The following CYP4X1 variants were observed in gnomAD, a reference collection of about 807,000 sequenced individuals.
CYP4X1 encodes the protein cytochrome P450 4X1.
A neutral mutation model predicts 57.9 loss-of-function variants in CYP4X1; 44 were observed. The observed-to-expected ratio is 0.76, with a 90% CI of 0.60 to 0.98. The LOEUF (loss-of-function observed/expected upper bound fraction) is 0.98, where lower values mean the gene tolerates loss of function less well. Ranked by LOEUF, CYP4X1 falls within the 50% of genes least tolerant of loss-of-function variation. The pLI is 0.00. For synonymous variants in CYP4X1, 227 were observed against 228.6 expected (o/e 0.99, Z 0.06); for missense variants, 532 against 623.9 (o/e 0.85, Z 1.57).
chr1:47,001,013 G>A, the CYP4X1 span: 1 of 224,338 alleles, frequency 4.5e-6, no homozygotes, highest in Non-Finnish European at 1.0e-5. Flanking sequence ...TCAGAAAACA[G>A]CTTAAAGTTG....
the CYP4X1 span, among the ~76,000 whole-genome samples, chr1:46,971,114 T>A: frequency 6.6e-6 from 1 of 152,172 alleles, no homozygotes; most frequent in African/African-American, 2.4e-5. Context: ...ATGGTATCCA[T>A]TCCCTTCTTT....
chr1:46,965,904 G>A, the CYP4X1 span, among the ~76,000 whole-genome samples: 1 of 152,212 alleles, frequency 6.6e-6, no homozygotes, highest in Non-Finnish European at 1.5e-5. Flanking sequence ...CCTGGCTGGA[G>A]TGATGGAAGC....
the CYP4X1 span, among the ~76,000 whole-genome samples, chr1:46,998,963 G>T: frequency 6.6e-6 from 1 of 150,758 alleles, no homozygotes; most frequent in Non-Finnish European, 1.5e-5. Context: ...ATGTTGATTT[G>T]GTTACTATAG....
the CYP4X1 span, among the ~76,000 whole-genome samples, chr1:46,997,724 C>T: frequency 0.034 from 5,189 of 152,172 alleles, 163 homozygotes; most frequent in African/African-American, 0.09. Flanking sequence ...TACCTAGCAG[C>T]GGGATTGTTG....
chr1:47,001,197 A>G, the CYP4X1 span: 1 of 164,242 alleles, frequency 6.1e-6, no homozygotes, highest in Non-Finnish European at 1.4e-5. Flanking sequence ...ACCTTCATTT[A>G]TCCAAGCCTT....
chr1:47,024,170 T>A (rs111783250), intron 1 of CYP4X1, among the ~76,000 whole-genome samples, 176 bp downstream of exon 1: 1 of 152,254 alleles, frequency 6.6e-6, no homozygotes, highest in East Asian at 1.9e-4. Context: ...CTCTGGAGAA[T>A]TGCTTTCCCG....
the CYP4X1 span, among the ~76,000 whole-genome samples, chr1:47,015,637 G>C: frequency 6.6e-6 from 1 of 152,048 alleles, no homozygotes; most frequent in Non-Finnish European, 1.5e-5. Flanking sequence ...AAAATATCTA[G>C]GACTACTCAG....
At chr1:47,028,587 G>T (rs1367677817) in intron 1 of CYP4X1, among the ~76,000 whole-genome samples, 1 of 152,166 alleles carries the variant, frequency 6.6e-6, no homozygotes, top group East Asian at 1.9e-4. Context: ...TGGGGATGAA[G>T]AAATATAAAT....
the CYP4X1 span, among the ~76,000 whole-genome samples, chr1:46,991,381 G>A: frequency 3.3e-5 from 5 of 152,158 alleles, no homozygotes; most frequent in East Asian, 1.9e-4. Flanking sequence ...AGCCCCAGAC[G>A]GCTGAATATT....
the CYP4X1 span, among the ~76,000 whole-genome samples, chr1:47,009,026 A>G: frequency 6.6e-6 from 1 of 152,214 alleles, no homozygotes; most frequent in East Asian, 1.9e-4. Flanking sequence ...GAAAGTTAAC[A>G]AGGATATCCA....
chr1:47,028,535 A>G (rs1434361222), intron 1 of CYP4X1, among the ~76,000 whole-genome samples: 1 of 152,198 alleles, frequency 6.6e-6, no homozygotes, highest in Non-Finnish European at 1.5e-5. Context: ...TGTTTACTAA[A>G]TATATGTAGT....
At chr1:47,020,217 T>C (rs1643981385), upstream of CYP4X1, among the ~76,000 whole-genome samples, 1 of 152,176 alleles carries the variant, frequency 6.6e-6, no homozygotes, top group African/African-American at 2.4e-5. Context: ...CCTTTCCTAC[T>C]TCGTCCACAT....
the CYP4X1 span, among the ~76,000 whole-genome samples, chr1:46,981,954 G>A: frequency 7.2e-4 from 109 of 152,220 alleles, no homozygotes; most frequent in Non-Finnish European, 1.2e-3. Context: ...GACACAGGGT[G>A]GGGAACATCA....
At chr1:46,963,829 T>C in the CYP4X1 span, among the ~76,000 whole-genome samples, 3 of 152,260 alleles carry the variant, frequency 2.0e-5, no homozygotes, top group Non-Finnish European at 4.4e-5. Context: ...GATAATATCC[T>C]GAAGAGTGTT....
upstream of CYP4X1, among the ~76,000 whole-genome samples, chr1:47,021,887 T>A (rs1286443427): frequency 3.9e-5 from 6 of 152,072 alleles, no homozygotes; most frequent in Admixed American, 1.3e-4. Context: ...ATACTATTCC[T>A]CGGTCTCATG....
chr1:46,975,279 G>A, the CYP4X1 span, among the ~76,000 whole-genome samples: 10 of 152,158 alleles, frequency 6.6e-5, no homozygotes, highest in Non-Finnish European at 1.2e-4. Context: ...ATGTATTGAA[G>A]TGTGTTTCTG....
At chr1:47,045,261 A>G (rs1644289157) in intron 8 of CYP4X1, among the ~76,000 whole-genome samples, 1 of 152,200 alleles carries the variant, frequency 6.6e-6, no homozygotes, top group Non-Finnish European at 1.5e-5. Flanking sequence ...TAAACAGACT[A>G]AATATATGCA....
At chr1:46,993,088 C>A in the CYP4X1 span, among the ~76,000 whole-genome samples, 3 of 121,036 alleles carry the variant, frequency 2.5e-5, no homozygotes, top group African/African-American at 6.2e-5. Context: ...CCCCCTCCCC[C>A]CACCCCACAA....
the CYP4X1 span, among the ~76,000 whole-genome samples, chr1:47,018,477 T>G: frequency 0.042 from 6,456 of 152,208 alleles, 172 homozygotes; most frequent in Non-Finnish European, 0.059. Flanking sequence ...GCTTGTATAT[T>G]TAGTCATCAT....
Sources: gnomAD v4.1 joint callset for allele counts (sites outside exome capture counted in the v4.1 genomes callset) on GRCh38, gnomAD v4.1.1 for gene constraint, MANE v1.5 for transcripts, NCBI Gene and HGNC (gene_info 2026-07-23, HGNC 2026-07-21) for gene names.